STXBP6: variants seen among roughly 807,000 people sequenced by gnomAD.
The protein encoded by STXBP6 is syntaxin binding protein 6.
Under a neutral mutation model 26.9 loss-of-function variants are expected in STXBP6, and 21 were observed. The observed-to-expected ratio is 0.78, with a 90% CI of 0.55 to 1.12. The LOEUF is 1.12. Among genes scored for constraint, STXBP6 ranks in the 50% most tolerant of loss-of-function variants. The probability of loss-of-function intolerance (pLI) is 0.00; values close to 1 mark genes in which losing one functional copy is unlikely to be tolerated. For synonymous variants in STXBP6, 97 were observed against 92.6 expected (o/e 1.05, Z -0.27); for missense variants, 232 against 257.9 (o/e 0.90, Z 0.69).
chr14:24,969,233 GA>G (rs1312807086), intron 2 of STXBP6, among the ~76,000 whole-genome samples: 5 of 152,154 alleles, frequency 3.3e-5, no homozygotes, highest in Non-Finnish European at 7.4e-5. Context: ...ACATGTAAAA[GA>G]ATGTACTAAT....
chr14:25,048,416 C>T (rs779583020), intron 1 of STXBP6, among the ~76,000 whole-genome samples: 1 of 152,190 alleles, frequency 6.6e-6, no homozygotes, highest in Non-Finnish European at 1.5e-5. Context: ...TGAAACTTGA[C>T]CTCAAGTCTG....
chr14:24,825,305 A>C (rs2068249869), intron 4 of STXBP6, among the ~76,000 whole-genome samples: 1 of 152,184 alleles, frequency 6.6e-6, no homozygotes, highest in South Asian at 2.1e-4. Flanking sequence ...CAATTTAGTA[A>C]CAGACAGGTC....
At chr14:24,835,625 TAAG>T (rs1439624171) in intron 4 of STXBP6, among the ~76,000 whole-genome samples, 2 of 152,218 alleles carry the variant, frequency 1.3e-5, no homozygotes, top group Admixed American at 6.5e-5. Flanking sequence ...TATTATTTTT[TAAG>T]AAGTTCTTTC....
intron 1 of STXBP6, among the ~76,000 whole-genome samples, chr14:24,990,593 G>A (rs181832928): frequency 2.0e-5 from 3 of 148,608 alleles, no homozygotes; most frequent in Admixed American, 6.8e-5. Context: ...GGGAGGCGGA[G>A]GTTGCAGTGA....
intron 1 of STXBP6, among the ~76,000 whole-genome samples, chr14:25,036,013 T>G (rs1192241704): frequency 6.6e-6 from 1 of 151,572 alleles, no homozygotes; most frequent in African/African-American, 2.4e-5. Flanking sequence ...AGGTCAGGGG[T>G]TCGAGACCAG....
chr14:24,975,446 T>G (rs1030079724), intron 1 of STXBP6, among the ~76,000 whole-genome samples: 1 of 152,224 alleles, frequency 6.6e-6, no homozygotes, highest in East Asian at 1.9e-4. Context: ...CTTCTCCCAA[T>G]GGGTTCTAGT....
intron 1 of STXBP6, among the ~76,000 whole-genome samples, chr14:25,000,838 A>G (rs2074743672): frequency 6.7e-6 from 1 of 150,308 alleles, no homozygotes; most frequent in African/African-American, 2.5e-5. Flanking sequence ...GAGTTTCCCT[A>G]CTCAACCTGT....
At chr14:24,828,680 C>A (rs963605203) in intron 4 of STXBP6, among the ~76,000 whole-genome samples, 5 of 152,152 alleles carry the variant, frequency 3.3e-5, no homozygotes, top group Admixed American at 6.6e-5. Flanking sequence ...AATGACGATG[C>A]ATTCCAAAGT....
intron 2 of STXBP6, among the ~76,000 whole-genome samples, chr14:24,895,169 G>A (rs1012200866): frequency 3.3e-5 from 5 of 152,150 alleles, no homozygotes; most frequent in Non-Finnish European, 7.3e-5. Flanking sequence ...GGCCAAAATA[G>A]TGGTATTTTC....
intron 5 of STXBP6, chr14:24,815,688 G>C (rs370472677): frequency 1.3e-5 from 2 of 152,148 alleles, no homozygotes; most frequent in Non-Finnish European, 2.9e-5. Flanking sequence ...GAGGATGTCT[G>C]AGTGTGGGTA....
chr14:24,855,866 C>G, intron 4 of STXBP6, 70 bp downstream of exon 4: 1 of 1,446,638 alleles, frequency 6.9e-7, no homozygotes, highest in Non-Finnish European at 9.3e-7. Context: ...TGCTGCTGAA[C>G]TCCTAACTTC....
chr14:24,907,008 TG>T (rs1343193253), intron 2 of STXBP6, among the ~76,000 whole-genome samples: 1 of 152,048 alleles, frequency 6.6e-6, no homozygotes, highest in Non-Finnish European at 1.5e-5. Flanking sequence ...TAACAAAAGC[TG>T]GGAAGTGTAG....
At chr14:24,860,603 G>C (rs549539037) in intron 2 of STXBP6, among the ~76,000 whole-genome samples, 197 of 152,180 alleles carry the variant, frequency 1.3e-3, no homozygotes, top group Admixed American at 4.1e-3. Context: ...AAAATAAATA[G>C]CCTTAAAATA....
chr14:25,018,871 C>T (rs2075208619), intron 1 of STXBP6, among the ~76,000 whole-genome samples: 1 of 152,192 alleles, frequency 6.6e-6, no homozygotes, highest in Non-Finnish European at 1.5e-5. Context: ...ACTAAGAACA[C>T]ACCATGGGCC....
chr14:24,913,572 A>G (rs1430578740), intron 2 of STXBP6, among the ~76,000 whole-genome samples: 2 of 152,220 alleles, frequency 1.3e-5, no homozygotes, highest in Non-Finnish European at 2.9e-5. Context: ...AACATCTGCA[A>G]TCTCTTTTAG....
intron 1 of STXBP6, among the ~76,000 whole-genome samples, chr14:24,993,476 C>T (rs1325338119): frequency 6.6e-6 from 1 of 152,202 alleles, no homozygotes; most frequent in Non-Finnish European, 1.5e-5. Context: ...CCATCATCTT[C>T]TGCCTAGATT....
intron 2 of STXBP6, among the ~76,000 whole-genome samples, chr14:24,919,339 G>C (rs1200338088): frequency 1.3e-5 from 2 of 151,742 alleles, no homozygotes; most frequent in East Asian, 3.9e-4. Flanking sequence ...AAATTATCCT[G>C]TAACAAACAC....
intron 2 of STXBP6, among the ~76,000 whole-genome samples, chr14:24,937,459 A>G: frequency 6.6e-6 from 1 of 152,186 alleles, no homozygotes. Context: ...TTACAGGGCA[A>G]TTACACTCAA....
At chr14:24,990,260 C>T (rs991838172) in intron 1 of STXBP6, among the ~76,000 whole-genome samples, 2 of 152,160 alleles carry the variant, frequency 1.3e-5, no homozygotes, top group African/African-American at 2.4e-5. Context: ...TGATCTTATG[C>T]ACCACATGGG....
Sources: allele counts gnomAD v4.1 joint callset (sites outside exome capture counted in the v4.1 genomes callset), GRCh38; gene constraint gnomAD v4.1.1; transcripts MANE v1.5; gene names NCBI Gene and HGNC (gene_info 2026-07-23, HGNC 2026-07-21).